The following MITF variants were observed in gnomAD, a reference collection of about 807,000 sequenced individuals.
MITF encodes melanocyte inducing transcription factor.
MITF carries 17 observed loss-of-function variants against 60.5 expected under a neutral mutation model. The ratio of observed to expected loss-of-function variants is 0.28; its 90% CI spans 0.19 to 0.42. The LOEUF is 0.42. Ranked by LOEUF, MITF falls within the 10% of genes least tolerant of loss-of-function variation. The pLI is 1.00. For missense variants in MITF, 622 were observed against 683.5 expected (o/e 0.91, Z 1.00); for synonymous variants, 260 against 248.5 (o/e 1.05, Z -0.43).
chr3:69,780,174 G>A (rs910313843), intron 1 of MITF, among the ~76,000 whole-genome samples: 1 of 152,146 alleles, frequency 6.6e-6, no homozygotes, highest in Non-Finnish European at 1.5e-5. Flanking sequence ...GAAGGAAAAT[G>A]GGCCACGTGG....
intron 1 of MITF, among the ~76,000 whole-genome samples, chr3:69,808,224 T>C (rs2063042573): frequency 6.6e-6 from 1 of 151,612 alleles, no homozygotes; most frequent in South Asian, 2.1e-4. Context: ...CTTGATATAA[T>C]TGTAAAAGTA....
chr3:69,843,454 G>A (rs939736845), intron 1 of MITF, among the ~76,000 whole-genome samples: 1 of 152,044 alleles, frequency 6.6e-6, no homozygotes, highest in East Asian at 1.9e-4. Flanking sequence ...CCGGCAATTA[G>A]TTTTACTGGA....
intron 1 of MITF, among the ~76,000 whole-genome samples, chr3:69,765,023 G>T (rs904760267): frequency 6.6e-6 from 1 of 152,150 alleles, no homozygotes; most frequent in Non-Finnish European, 1.5e-5. Flanking sequence ...TGTGCTGGAC[G>T]CTGGAAGCCA....
chr3:69,895,937 C>T (rs1218521311), intron 2 of MITF, among the ~76,000 whole-genome samples: 1 of 150,972 alleles, frequency 6.6e-6, no homozygotes, highest in Non-Finnish European at 1.5e-5. Flanking sequence ...TTGGAGAATA[C>T]CTCTATAGAT....
chr3:69,938,048 A>T lies in MITF; in HGVS notation c.581A>T (p.Glu194Val). The change falls in exon 3 of 10, where the codon GAG becomes GTG. Residue 194 changes from glutamate (E) to valine (V), a missense_variant and splice_region_variant. Physicochemically the swap from Glu to Val is moderately radical, Grantham distance 121 (BLOSUM62 -2). Transcript: ENST00000352241. ...ACGCTTAACTCCAACTGTGAAAAAGAGGTAATTCATGTCTCCTCTCCTCTC... is the reference window on the plus strand; with the variant it reads ...ACGCTTAACTCCAACTGTGAAAAAGTGGTAATTCATGTCTCCTCTCCTCTC... ...MLTLNSNCEK[E>V]GFYKFEEQNR... 6.2e-7 allele frequency: 1 copy of T among 1,613,820 alleles called. No individual in the cohort carries two copies. Among genetic ancestry groups the T allele is most frequent in the Non-Finnish European group, 8.5e-7 (1 of 1,179,728 alleles).
intron 6 of MITF, among the ~76,000 whole-genome samples, chr3:69,949,683 A>AG (rs1350217219): frequency 2.0e-5 from 3 of 152,176 alleles, no homozygotes; most frequent in Non-Finnish European, 4.4e-5. Context: ...TATTACACAG[A>AG]GGGGAAAAAA....
At chr3:69,865,986 GC>G (rs1367546794) in intron 1 of MITF, among the ~76,000 whole-genome samples, 1 of 152,214 alleles carries the variant, frequency 6.6e-6, no homozygotes, top group Non-Finnish European at 1.5e-5. Flanking sequence ...GCTGGGTAAG[GC>G]TAAATAAGCT....
chr3:69,840,164 G>A (rs1379487655), intron 1 of MITF, among the ~76,000 whole-genome samples: 1 of 152,100 alleles, frequency 6.6e-6, no homozygotes, highest in Non-Finnish European at 1.5e-5. Flanking sequence ...CTTACTTCTG[G>A]TCCTCCTTGC....
chr3:69,839,580 G>A (rs1485848206), intron 1 of MITF, among the ~76,000 whole-genome samples: 1 of 151,918 alleles, frequency 6.6e-6, no homozygotes, highest in Non-Finnish European at 1.5e-5. Flanking sequence ...GCCATCGGCT[G>A]GTTGAGCTGT....
chr3:69,858,325 A>T (rs906493132), intron 1 of MITF, among the ~76,000 whole-genome samples: 1 of 152,034 alleles, frequency 6.6e-6, no homozygotes, highest in African/African-American at 2.4e-5. Flanking sequence ...TGCAAATATT[A>T]TTTTTCTCAT....
intron 3 of MITF, chr3:69,938,882 C>G (rs2065905206): frequency 1.4e-6 from 2 of 1,447,636 alleles, no homozygotes; most frequent in Middle Eastern, 2.5e-4. Context: ...CCCCTATGCC[C>G]AAACCAACTG....
chr3:69,748,694 C>T (rs929133553), intron 1 of MITF, among the ~76,000 whole-genome samples: 2 of 152,226 alleles, frequency 1.3e-5, no homozygotes, highest in East Asian at 1.9e-4. Flanking sequence ...GTGGTCTTCA[C>T]CCTCCCCACC....
intron 2 of MITF, among the ~76,000 whole-genome samples, chr3:69,880,801 G>A (rs2064469339): frequency 1.3e-5 from 2 of 152,052 alleles, no homozygotes; most frequent in African/African-American, 4.8e-5. Flanking sequence ...GTAACAAGAT[G>A]TGGAGAAATA....
At chr3:69,896,416 G>A (rs2064877174) in intron 2 of MITF, among the ~76,000 whole-genome samples, 1 of 152,128 alleles carries the variant, frequency 6.6e-6, no homozygotes, top group South Asian at 2.1e-4. Flanking sequence ...TTTTGAAAAA[G>A]GATCAACATT....
intron 1 of MITF, among the ~76,000 whole-genome samples, chr3:69,792,861 C>T (rs2062763246): frequency 6.6e-6 from 1 of 151,970 alleles, no homozygotes; most frequent in Non-Finnish European, 1.5e-5. Flanking sequence ...GATAGCATTG[C>T]ATATTTTAAT....
At chr3:69,905,552 G>A (rs528992964) in intron 2 of MITF, among the ~76,000 whole-genome samples, 54 of 152,074 alleles carry the variant, frequency 3.6e-4, no homozygotes, top group Non-Finnish European at 6.9e-4. Context: ...TTTAGAGAAA[G>A]TGCCAAACTT....
intron 1 of MITF, among the ~76,000 whole-genome samples, chr3:69,760,392 A>C (rs2062195228): frequency 6.6e-6 from 1 of 152,214 alleles, no homozygotes; most frequent in Admixed American, 6.5e-5. Flanking sequence ...TGGTGGAAGA[A>C]TGCAGGTCTA....
chr3:69,742,040 C>G (rs1005953928), intron 1 of MITF, among the ~76,000 whole-genome samples: 5 of 152,142 alleles, frequency 3.3e-5, no homozygotes, highest in Admixed American at 3.3e-4. Context: ...AGAATCTGCC[C>G]GCTTCTTACC....
intron 8 of MITF, 55 bp downstream of exon 8, chr3:69,956,585 T>G (rs2066404688): frequency 6.4e-6 from 9 of 1,414,664 alleles, no homozygotes; most frequent in Admixed American, 1.7e-5. Flanking sequence ...CTGAATGTTT[T>G]TTCATACGTT....
Sources: allele counts gnomAD v4.1 joint callset (sites outside exome capture counted in the v4.1 genomes callset), GRCh38; gene constraint gnomAD v4.1.1; transcripts MANE v1.5; gene names NCBI Gene and HGNC (gene_info 2026-07-23, HGNC 2026-07-21).